Variants in TBCE observed in about 807,000 individuals in gnomAD.
The protein encoded by TBCE is tubulin folding cofactor E, also known as tubulin-specific chaperone E.
Under a neutral mutation model 77.0 loss-of-function variants are expected in TBCE, and 53 were observed. The observed-to-expected ratio is 0.69, with a 90% CI of 0.55 to 0.87. The LOEUF (loss-of-function observed/expected upper bound fraction) is 0.87. Ranked by LOEUF, TBCE falls within the 40% of genes least tolerant of loss-of-function variation. The pLI is 0.00. For synonymous variants in TBCE, 235 were observed against 241.3 expected, an observed-to-expected ratio of 0.97 and a Z score of 0.24; for missense variants, 624 against 622.4, an observed-to-expected ratio of 1.00 and a Z score of -0.03.
intron 1 of TBCE, among the ~76,000 whole-genome samples, chr1:235,367,999 G>A (rs1676649752): frequency 1.3e-5 from 2 of 152,126 alleles, no homozygotes; most frequent in Admixed American, 1.3e-4. Flanking sequence ...TCCGCCTCCT[G>A]GGTTCAAGCG....
At chr1:235,418,200 T>C (rs1680208685) in intron 4 of TBCE, among the ~76,000 whole-genome samples, 1 of 152,226 alleles carries the variant, frequency 6.6e-6, no homozygotes, top group African/African-American at 2.4e-5. Flanking sequence ...CAATATTGCA[T>C]TGTATATGTG....
At chr1:235,389,025 T>C (rs1484091824) in intron 2 of TBCE, among the ~76,000 whole-genome samples, 1 of 152,136 alleles carries the variant, frequency 6.6e-6, no homozygotes, top group Non-Finnish European at 1.5e-5. Context: ...CTTTCTACAG[T>C]AGACAGTTCC....
rs10524346 is a variant in TBCE, at chr1:235,380,161, TTGTGTGTG to T, written c.100+58_100+65del. 16,603 of 1,135,460 alleles carry T rather than the reference TTGTGTGTG, an allele frequency of 0.015. 80 individuals are homozygous for T. The highest frequency in any genetic ancestry group is 0.03 in the East Asian group (1,141 of 38,562). The allele number at this position is 1,135,460 out of a possible 1,614,324, so 70.3% of individuals were successfully genotyped here. A position where few individuals can be genotyped will look rare whatever the true frequency, so the allele number is the denominator to read the frequency against. ...CCCTCCCGTGGCAGGTAAGCAATTA[TTGTGTGTG>T]TGTGTGTGTGTGTGTGTGTGTGTGT... On this transcript the variant is annotated intron_variant, in intron 2 of 16. Transcript: ENST00000642610.
chr1:235,408,432 ATT>A (rs34222562), intron 3 of TBCE, among the ~76,000 whole-genome samples: 2 of 144,652 alleles, frequency 1.4e-5, no homozygotes. Flanking sequence ...GTGTTGGAAG[ATT>A]TTTTTTTTTT....
intron 15 of TBCE, 104 bp from the exon 16 acceptor site, chr1:235,448,240 AGACAG>A: frequency 8.6e-6 from 7 of 813,604 alleles, no homozygotes; most frequent in Admixed American, 4.6e-5. Flanking sequence ...AAAAAAAAAA[AGACAG>A]ATACAGCTAT....
intron 15 of TBCE, among the ~76,000 whole-genome samples, chr1:235,443,491 C>G (rs949889246): frequency 1.2e-4 from 18 of 152,162 alleles, no homozygotes; most frequent in Non-Finnish European, 1.5e-5. Flanking sequence ...AGGCATGAGC[C>G]ACTGCAGTTG....
chr1:235,420,981 C>T (rs1680368741), intron 5 of TBCE, among the ~76,000 whole-genome samples: 1 of 152,172 alleles, frequency 6.6e-6, no homozygotes, highest in Non-Finnish European at 1.5e-5. Context: ...CAGCTGAATG[C>T]AGTTTGTTAT....
intron 3 of TBCE, chr1:235,413,797 A>AATAAATAAGT (rs1679949824): frequency 6.6e-6 from 1 of 152,026 alleles, no homozygotes; most frequent in African/African-American, 2.4e-5. Context: ...CAAAATAAAA[A>AATAAATAAGT]ATAAATAAGT....
chr1:235,444,543 A>G (rs1682115535), intron 15 of TBCE, among the ~76,000 whole-genome samples: 1 of 152,174 alleles, frequency 6.6e-6, no homozygotes, highest in Non-Finnish European at 1.5e-5. Context: ...AGCTGGGACT[A>G]TAGGCACGAA....
At chr1:235,419,705 C>A in intron 5 of TBCE, 144 bp downstream of exon 5, 1 of 1,165,686 alleles carries the variant, frequency 8.6e-7, no homozygotes, top group Non-Finnish European at 1.2e-6. Flanking sequence ...TAGTTGGGGC[C>A]CAGATAAATT....
intron 2 of TBCE, among the ~76,000 whole-genome samples, chr1:235,388,474 A>C (rs776584732): frequency 2.6e-4 from 39 of 151,836 alleles, no homozygotes; most frequent in Non-Finnish European, 3.2e-4. Flanking sequence ...TTTTTAGTAG[A>C]GGCAGGGTTT....
chr1:235,391,155 T>C (rs2102835806), intron 2 of TBCE, among the ~76,000 whole-genome samples: 1 of 152,076 alleles, frequency 6.6e-6, no homozygotes, highest in South Asian at 2.1e-4. Context: ...TATATTATTA[T>C]TAGAAAATAC....
intron 7 of TBCE, among the ~76,000 whole-genome samples, chr1:235,432,609 C>T (rs1231119354): frequency 6.6e-6 from 1 of 152,154 alleles, no homozygotes; most frequent in African/African-American, 2.4e-5. Context: ...TGCACCTTTG[C>T]ACTCCAGCCT....
At position 235,368,283 on chromosome 1, in the gene TBCE, T is replaced by TGA. The variant is rs905267977; in HGVS notation, c.-32+780_-32+781dup. 1.5e-4 allele frequency among the ~76,000 whole-genome samples: 23 copies of TGA among 152,256 alleles called. No individual in the cohort carries two copies. The Middle Eastern group carries it at 0.02, about 135-fold the overall frequency. On this transcript the variant is annotated intron_variant, in intron 1 of 16. Transcript: ENST00000642610. ...TTGTGGGTGGATCCAAATGATGGTGTGACAGCCTTATCCTCAGAGAAGCAG... is the reference window on the plus strand; with the variant it reads ...TTGTGGGTGGATCCAAATGATGGTGTGAGACAGCCTTATCCTCAGAGAAGCAG...
chr1:235,444,448 G>A (rs991797689), intron 15 of TBCE, among the ~76,000 whole-genome samples: 1 of 152,208 alleles, frequency 6.6e-6, no homozygotes, highest in Admixed American at 6.5e-5. Flanking sequence ...TCACGCTGGA[G>A]TGCAGTGGTG....
At chr1:235,432,946 G>T in intron 7 of TBCE, 1 of 1,308,186 alleles carries the variant, frequency 7.6e-7, no homozygotes, top group Non-Finnish European at 9.7e-7. Context: ...AAAAAATTAG[G>T]CTCATGCGCA....
At chr1:235,407,711 C>A (rs1679534084) in intron 3 of TBCE, among the ~76,000 whole-genome samples, 1 of 152,180 alleles carries the variant, frequency 6.6e-6, no homozygotes, top group African/African-American at 2.4e-5. Flanking sequence ...CTGTAATCAA[C>A]TTTCCCAAGA....
intron 15 of TBCE, among the ~76,000 whole-genome samples, chr1:235,447,991 A>ACGAGGTCAGGAGTTC (rs1206085179): frequency 6.6e-6 from 1 of 152,052 alleles, no homozygotes; most frequent in Non-Finnish European, 1.5e-5. Flanking sequence ...CGGGCGGATC[A>ACGAGGTCAGGAGTTC]CGAGGTCAGG....
chr1:235,419,476 G>T lies in TBCE; in HGVS notation c.375G>T (p.Gln125His). 6.2e-7 allele frequency: 1 copy of T among 1,614,118 alleles called. No homozygotes were observed. The highest frequency in any genetic ancestry group is 8.5e-7 in the Non-Finnish European group (1 of 1,180,024). ...GTGAACTCTGTTTTTCATGCAGTCA[G>T]CTGAGCAAGTTGCAAGAAGTTTCTC... is the stretch of plus-strand genomic sequence containing the variant. ...GFDSIMKQQSQLSKLQEVSLR... is the reference protein window; with the variant it reads ...GFDSIMKQQSHLSKLQEVSLR... The change falls in exon 5 of 17, where the codon CAG (glutamine) becomes CAT (histidine). Residue 125 changes from glutamine (Q) to histidine (H), a missense_variant. By Grantham distance (24) the Gln-to-His change is conservative. Coordinates refer to ENST00000642610, the MANE Select transcript of TBCE (RefSeq NM_003193.5).
Sources: allele counts gnomAD v4.1 joint callset (sites outside exome capture counted in the v4.1 genomes callset), GRCh38; gene constraint gnomAD v4.1.1; transcripts MANE v1.5; gene names NCBI Gene and HGNC (gene_info 2026-07-23, HGNC 2026-07-21).